Variants in HPSE2 observed in about 807,000 individuals in gnomAD.
The protein encoded by HPSE2 is heparanase 2 (inactive), also known as inactive heparanase-2.
A neutral mutation model predicts 60.5 loss-of-function variants in HPSE2; 38 were observed. That is an observed-to-expected ratio of 0.63 (90% CI 0.48 to 0.82). The LOEUF is 0.82. HPSE2 is among the 40% of genes least tolerant of loss of function. The pLI is 0.00. For missense variants in HPSE2, 713 were observed against 740.4 expected, an observed-to-expected ratio of 0.96 and a Z score of 0.43; for synonymous variants, 295 against 293.2, an observed-to-expected ratio of 1.01 and a Z score of -0.06.
the HPSE2 span, among the ~76,000 whole-genome samples, chr10:99,307,985 T>G: frequency 6.6e-6 from 1 of 152,104 alleles, no homozygotes; most frequent in East Asian, 1.9e-4. Context: ...TTATCATATG[T>G]CCTAGCAATT....
the HPSE2 span, among the ~76,000 whole-genome samples, chr10:99,289,627 C>A: frequency 2.6e-5 from 4 of 152,156 alleles, no homozygotes; most frequent in Non-Finnish European, 5.9e-5. Flanking sequence ...TTTCCAATCA[C>A]AGATGACTAG....
chr10:99,111,191 A>G (rs1564815728), intron 3 of HPSE2, among the ~76,000 whole-genome samples: 1 of 152,090 alleles, frequency 6.6e-6, no homozygotes, highest in African/African-American at 2.4e-5. Flanking sequence ...TCTTTCACCA[A>G]TACCACGTGG....
At position 98,674,632 on chromosome 10, in the gene HPSE2, T is replaced by C. The variant is rs574761918; in HGVS notation, c.1004+19268A>G. On this transcript the variant is annotated intron_variant, in intron 6 of 11. Transcript: ENST00000370552. Reference sequence around the variant, plus strand: ...AGTCAAAAATATATAGAGAAGAAAATAGCCAGGCGCAATGATTCAGGTCTG... The same window carrying C: ...AGTCAAAAATATATAGAGAAGAAAACAGCCAGGCGCAATGATTCAGGTCTG... Among the ~76,000 whole-genome samples, 7 of 152,274 alleles carry C rather than the reference T, an allele frequency of 4.6e-5. No individual in the cohort carries two copies. In the South Asian group the frequency reaches 1.0e-3, roughly 23 times the overall value.
chr10:99,250,703 T>A, the HPSE2 span, among the ~76,000 whole-genome samples: 30 of 152,260 alleles, frequency 2.0e-4, no homozygotes, highest in African/African-American at 7.2e-4. Flanking sequence ...CAAGAAGATC[T>A]CTCAAAACCA....
At chr10:99,154,054 AAAG>A (rs1283828878) in intron 2 of HPSE2, among the ~76,000 whole-genome samples, 1 of 151,664 alleles carries the variant, frequency 6.6e-6, no homozygotes, top group Non-Finnish European at 1.5e-5. Flanking sequence ...TTTAGAGAAA[AAAG>A]AATAAAAAGA....
intron 5 of HPSE2, among the ~76,000 whole-genome samples, chr10:98,698,536 C>T (rs894979849): frequency 2.0e-5 from 3 of 151,880 alleles, no homozygotes; most frequent in Admixed American, 6.6e-5. Context: ...CAAGAGAAAG[C>T]GGGAAAGATC....
intron 3 of HPSE2, among the ~76,000 whole-genome samples, chr10:98,968,098 A>C (rs1955859764): frequency 6.6e-6 from 1 of 152,210 alleles, no homozygotes; most frequent in Non-Finnish European, 1.5e-5. Context: ...CTATAAGAGA[A>C]AAAAACATGT....
intron 3 of HPSE2, among the ~76,000 whole-genome samples, chr10:99,050,680 T>C (rs1430183228): frequency 6.6e-6 from 1 of 152,018 alleles, no homozygotes; most frequent in Non-Finnish European, 1.5e-5. Flanking sequence ...AAATTAGCCA[T>C]TTAAAAGAAG....
intron 3 of HPSE2, among the ~76,000 whole-genome samples, chr10:98,959,666 T>G (rs921040040): frequency 1.3e-5 from 2 of 152,142 alleles, no homozygotes; most frequent in African/African-American, 4.8e-5. Flanking sequence ...CATCTGCATT[T>G]GAAAAGGCAT....
intron 3 of HPSE2, among the ~76,000 whole-genome samples, chr10:98,991,302 G>T (rs1345131973): frequency 6.6e-6 from 1 of 152,104 alleles, no homozygotes; most frequent in Non-Finnish European, 1.5e-5. Context: ...AGACGGCCAG[G>T]AAAAAGCCTC....
chr10:99,186,135 C>CACACACAT lies in HPSE2; in HGVS notation c.449-41737_449-41736insATGTGTGT, dbSNP rs796456840. 5.6e-4 allele frequency among the ~76,000 whole-genome samples: 84 copies of CACACACAT among 150,904 alleles called. 3 individuals are homozygous for CACACACAT. The South Asian group carries it at 8.8e-3, about 16-fold the overall frequency. The stretch of plus-strand genomic sequence containing the variant: ...ACACACACACACACACACACACACA[C>CACACACAT]ACACACACACACACACACAAGGCAT... On this transcript the variant is annotated intron_variant, in intron 2 of 11. Transcript: ENST00000370552.
At chr10:98,544,265 A>G (rs1006800456) in intron 9 of HPSE2, among the ~76,000 whole-genome samples, 3 of 152,224 alleles carry the variant, frequency 2.0e-5, no homozygotes, top group African/African-American at 7.2e-5. Context: ...AGAAATAAAG[A>G]TATTCTTTGA....
At chr10:99,301,505 A>C in the HPSE2 span, among the ~76,000 whole-genome samples, 1 of 152,130 alleles carries the variant, frequency 6.6e-6, no homozygotes, top group Non-Finnish European at 1.5e-5. Context: ...TTCCACCATG[A>C]TTGTGAGGCT....
chr10:98,468,200 C>G (rs749145604), intron 11 of HPSE2, among the ~76,000 whole-genome samples: 1 of 152,278 alleles, frequency 6.6e-6, no homozygotes, highest in South Asian at 2.1e-4. Flanking sequence ...GGTGGGGAGA[C>G]GGTGCATCTG....
At chr10:98,582,343 T>C (rs1203185942) in intron 9 of HPSE2, among the ~76,000 whole-genome samples, 1 of 152,246 alleles carries the variant, frequency 6.6e-6, no homozygotes, top group African/African-American at 2.4e-5. Context: ...TTTGCTCTTT[T>C]AAATTGTCAA....
chr10:98,509,038 T>C (rs189669165), intron 9 of HPSE2, among the ~76,000 whole-genome samples: 23 of 152,272 alleles, frequency 1.5e-4, no homozygotes, highest in Non-Finnish European at 2.4e-4. Context: ...TTAGTTTAGA[T>C]GGCGCGGTGG....
At chr10:98,509,561 T>G (rs7079820) in intron 9 of HPSE2, among the ~76,000 whole-genome samples, 138,953 of 151,508 alleles carry the variant, frequency 0.92, 64,830 homozygotes, top group East Asian at 1. Context: ...GAGTGCAGTG[T>G]CGTGATCTCA....
At position 98,581,014 on chromosome 10, in the gene HPSE2, C is replaced by T. The variant is rs185995503; in HGVS notation, c.1320+33890G>A. ...GGAGTGTGGTCCCGTGATCTCAGCT[C>T]ACTGCAACCTCTGCCTCCTGGGTTC... On this transcript the variant is annotated intron_variant, in intron 9 of 11. Transcript: ENST00000370552. 3.9e-3 allele frequency among the ~76,000 whole-genome samples: 584 copies of T among 150,694 alleles called. 6 individuals carry two copies. Among genetic ancestry groups the T allele is most frequent in the African/African-American group, 0.013 (548 of 40,946 alleles).
intron 5 of HPSE2, among the ~76,000 whole-genome samples, chr10:98,710,029 T>C (rs1218885075): frequency 1.3e-5 from 2 of 152,048 alleles, no homozygotes; most frequent in African/African-American, 4.8e-5. Flanking sequence ...ACAAATAAGA[T>C]GTGACAGCCG....
Sources: allele counts gnomAD v4.1 joint callset (sites outside exome capture counted in the v4.1 genomes callset), GRCh38; gene constraint gnomAD v4.1.1; transcripts MANE v1.5; gene names NCBI Gene and HGNC (gene_info 2026-07-23, HGNC 2026-07-21).